Variants in TLCD4 observed in about 807,000 individuals in gnomAD.
TLCD4 encodes the protein TLC domain containing 4.
A neutral mutation model predicts 24.2 loss-of-function variants in TLCD4; 7 were observed. The observed-to-expected ratio is 0.29, with a 90% CI of 0.16 to 0.54. The LOEUF (loss-of-function observed/expected upper bound fraction) is 0.54, where lower values mean the gene tolerates loss of function less well. TLCD4 is among the 20% of genes least tolerant of loss of function. The probability of loss-of-function intolerance (pLI) is 0.95; values close to 1 mark genes in which losing one functional copy is unlikely to be tolerated. For missense variants in TLCD4, 259 were observed against 313.9 expected, an observed-to-expected ratio of 0.82 and a Z score of 1.32; for synonymous variants, 103 against 106.4, an observed-to-expected ratio of 0.97 and a Z score of 0.20.
At position 95,181,408 on chromosome 1, in the gene TLCD4, A is replaced by G. The variant is rs1249264611; in HGVS notation, c.473+7519A>G. 2.0e-5 allele frequency among the ~76,000 whole-genome samples: 3 copies of G among 152,246 alleles called. No homozygotes were observed. In the East Asian group the frequency reaches 5.8e-4, roughly 29 times the overall value. ...AAAAAGTATTTTAGTGGCCTTTTCA[A>G]ATACTAATAATTGTGGATATTCCTT... On this transcript the variant is annotated intron_variant, in intron 6 of 6. Coordinates refer to ENST00000370203, the MANE Select transcript of TLCD4 (RefSeq NM_152487.3).
chr1:95,139,455 A>ATTTTTTTTTTTTTTTTTTTTTTTTTTTT (rs200337389), intron 1 of TLCD4, among the ~76,000 whole-genome samples: 7 of 93,992 alleles, frequency 7.4e-5, no homozygotes, highest in South Asian at 3.9e-4. Context: ...TAAACCTTTG[A>ATTTTTTTTTTTTTTTTTTTTTTTTTTTT]TTTTTTTTTT....
chr1:95,153,993 A>C (rs3900596), intron 5 of TLCD4, among the ~76,000 whole-genome samples: 29,335 of 152,090 alleles, frequency 0.19, 2,909 homozygotes, highest in South Asian at 0.25. Context: ...GAAGATTATC[A>C]CAATGGAAAG....
intron 5 of TLCD4, among the ~76,000 whole-genome samples, chr1:95,160,797 A>G (rs1474687181): frequency 1.3e-5 from 2 of 152,068 alleles, no homozygotes; most frequent in Non-Finnish European, 2.9e-5. Context: ...TATATGATGG[A>G]TTATGTTTAT....
At chr1:95,154,287 T>G (rs764344620) in intron 5 of TLCD4, among the ~76,000 whole-genome samples, 1 of 152,162 alleles carries the variant, frequency 6.6e-6, no homozygotes, top group Non-Finnish European at 1.5e-5. Context: ...TGCCAATCCA[T>G]TCACTTCCTT....
In TLCD4 at chr1:95,151,426, T is replaced by G; in HGVS notation, c.399+7T>G. ...TGCATACTACCTTGTACTGGTGAGT[T>G]CCAGGATTTTCTGTAGCCTAACTAG... On this transcript the variant is annotated splice_region_variant and intron_variant, in intron 5 of 6. Coordinates refer to ENST00000370203, the MANE Select transcript of TLCD4 (RefSeq NM_152487.3). 6.2e-7 allele frequency: 1 copy of G among 1,610,448 alleles called. No individual in the cohort carries two copies. The highest frequency in any genetic ancestry group is 1.1e-5 in the South Asian group (1 of 90,562).
the TLCD4 span, among the ~76,000 whole-genome samples, chr1:95,110,438 T>G: frequency 6.6e-6 from 1 of 152,054 alleles, no homozygotes; most frequent in East Asian, 1.9e-4. Flanking sequence ...AACAACAAGA[T>G]CCCTAAATGT....
upstream of TLCD4, chr1:95,117,255 G>A (rs1276656451): frequency 2.0e-5 from 3 of 152,300 alleles, no homozygotes; most frequent in African/African-American, 7.2e-5. Flanking sequence ...TCCAGGGCAA[G>A]AAGGTCTGCT....
chr1:95,115,526 A>G (rs922850999), upstream of TLCD4, among the ~76,000 whole-genome samples: 2 of 152,224 alleles, frequency 1.3e-5, no homozygotes, highest in Non-Finnish European at 2.9e-5. Context: ...AACTTGCAAC[A>G]TTCAACTACT....
At chr1:95,164,158 G>A in intron 5 of TLCD4, 1 of 152,762 alleles carries the variant, frequency 6.5e-6, no homozygotes, top group Non-Finnish European at 1.5e-5. Flanking sequence ...CCCAGTTCGA[G>A]CTTCCAGGCC....
At chr1:95,133,127 G>A (rs966610819) in intron 1 of TLCD4, among the ~76,000 whole-genome samples, 1 of 152,170 alleles carries the variant, frequency 6.6e-6, no homozygotes, top group African/African-American at 2.4e-5. Flanking sequence ...GAGGATTGAA[G>A]AAGAGGTTGT....
At chr1:95,144,452 C>T (rs1349040719) in intron 2 of TLCD4, among the ~76,000 whole-genome samples, 1 of 152,138 alleles carries the variant, frequency 6.6e-6, no homozygotes, top group African/African-American at 2.4e-5. Context: ...TTAGCCAGAC[C>T]TGGGGCAGTT....
At chr1:95,119,834 C>G (rs1018460191) in intron 1 of TLCD4, among the ~76,000 whole-genome samples, 1 of 151,214 alleles carries the variant, frequency 6.6e-6, no homozygotes, top group African/African-American at 2.4e-5. Flanking sequence ...CAAATTAGTC[C>G]CACATCCTAC....
intron 5 of TLCD4, among the ~76,000 whole-genome samples, chr1:95,162,072 G>A (rs1209139606): frequency 2.0e-5 from 3 of 152,076 alleles, no homozygotes; most frequent in African/African-American, 4.8e-5. Context: ...TTTCTGTCTC[G>A]TTGATCTGTC....
intron 1 of TLCD4, among the ~76,000 whole-genome samples, chr1:95,125,124 C>T (rs1386765066): frequency 6.6e-6 from 1 of 152,198 alleles, no homozygotes; most frequent in Non-Finnish European, 1.5e-5. Context: ...TCCATGACCA[C>T]ATTCACCAAA....
Position 95,192,853 on chromosome 1 carries a change from A to C in TLCD4, c.*985A>C, listed in dbSNP as rs1679071565. On this transcript the variant is annotated 3_prime_UTR_variant, in exon 7 of 7. Coordinates refer to ENST00000370203, the MANE Select transcript of TLCD4 (RefSeq NM_152487.3). ...TATCAAATTATTGCTTTTTTATTTT[A>C]TAATAAGGCTTAAGACAGATTATAG... The C allele has an allele frequency of 6.6e-6, 1 of 152,072 alleles. No individual in the cohort carries two copies. 9.4% of individuals were successfully genotyped at this position (152,072 alleles called of 1,614,324 possible).
At position 95,155,652 on chromosome 1, in the gene TLCD4, G is replaced by A. The variant is rs147738083; in HGVS notation, c.399+4233G>A. On this transcript the variant is annotated intron_variant, in intron 5 of 6. Coordinates refer to ENST00000370203, the MANE Select transcript of TLCD4 (RefSeq NM_152487.3). ...GATGCTATCTGTCATTGGATTAAATGGGCCCAGAGTCATTGATATATTGAC... is the reference window on the plus strand; with the variant it reads ...GATGCTATCTGTCATTGGATTAAATAGGCCCAGAGTCATTGATATATTGAC... Among the ~76,000 whole-genome samples, 741 of 151,988 alleles carry A rather than the reference G, an allele frequency of 4.9e-3. 4 individuals carry two copies. Among genetic ancestry groups the A allele is most frequent in the Non-Finnish European group, 8.1e-3 (552 of 67,980 alleles).
intron 1 of TLCD4, among the ~76,000 whole-genome samples, chr1:95,126,032 C>G (rs1375090883): frequency 6.6e-6 from 1 of 150,946 alleles, no homozygotes; most frequent in Non-Finnish European, 1.5e-5. Context: ...TGGCTCATGC[C>G]TCTAATCCTA....
intron 1 of TLCD4, among the ~76,000 whole-genome samples, chr1:95,141,709 T>C (rs981127246): frequency 2.6e-5 from 4 of 151,732 alleles, no homozygotes; most frequent in African/African-American, 7.3e-5. Flanking sequence ...AATAAACATA[T>C]GTTGAATTAA....
chr1:95,126,121 A>G lies in TLCD4; in HGVS notation c.-12+8504A>G, dbSNP rs1318572878. ...AGCCTGGACAACATAGCGAGACGCC[A>G]TCACTATTAAAAAAAAAAAAAGAGG... On this transcript the variant is annotated intron_variant, in intron 1 of 6. Transcript: ENST00000370203. Among the ~76,000 whole-genome samples, 4 of 149,586 alleles carry G rather than the reference A, an allele frequency of 2.7e-5. No individual in the cohort carries two copies. The South Asian group carries it at 8.5e-4, about 32-fold the overall frequency.
Sources: allele counts gnomAD v4.1 joint callset (sites outside exome capture counted in the v4.1 genomes callset), GRCh38; gene constraint gnomAD v4.1.1; transcripts MANE v1.5; gene names NCBI Gene and HGNC (gene_info 2026-07-23, HGNC 2026-07-21).